The following KIAA1549L variants were observed in gnomAD, a reference collection of about 807,000 sequenced individuals.
KIAA1549L encodes KIAA1549 like, also known as UPF0606 protein KIAA1549L.
In KIAA1549L, 88 loss-of-function variants were observed where a neutral mutation model predicts 160.7. The observed-to-expected ratio is 0.55, with a 90% confidence interval of 0.46 to 0.65. The LOEUF (loss-of-function observed/expected upper bound fraction) is 0.65, where lower values mean the gene tolerates loss of function less well. KIAA1549L is among the 30% of genes least tolerant of loss of function. KIAA1549L has a pLI of 0.00. For synonymous variants in KIAA1549L, 950 were observed against 976.7 expected (o/e 0.97, Z 0.51); for missense variants, 2,258 against 2,437.5 (o/e 0.93, Z 1.55).
chr11:33,457,684 G>A (rs1038195574), intron 1 of KIAA1549L, among the ~76,000 whole-genome samples: 1 of 152,210 alleles, frequency 6.6e-6, no homozygotes, highest in Non-Finnish European at 1.5e-5. Context: ...CATTCATTGA[G>A]CCCACTGGAT....
chr11:33,489,476 G>A (rs1852607110), intron 1 of KIAA1549L, among the ~76,000 whole-genome samples: 1 of 152,160 alleles, frequency 6.6e-6, no homozygotes, highest in Non-Finnish European at 1.5e-5. Context: ...TATGGATTTT[G>A]GAAGGACACA....
At chr11:33,491,590 C>A (rs1280207781) in intron 1 of KIAA1549L, among the ~76,000 whole-genome samples, 21 of 152,098 alleles carry the variant, frequency 1.4e-4, no homozygotes, top group Admixed American at 1.4e-3. Context: ...ACTTTTGAAG[C>A]CCAAGCTAAA....
intron 12 of KIAA1549L, among the ~76,000 whole-genome samples, chr11:33,595,974 A>G (rs1464082578): frequency 1.3e-5 from 2 of 152,060 alleles, no homozygotes; most frequent in South Asian, 2.1e-4. Context: ...TTGTTGATAT[A>G]TGACTGAGAT....
At position 33,645,970 on chromosome 11, in the gene KIAA1549L, C is replaced by G; in HGVS notation, c.5694C>G (p.Pro1898=). 6.2e-7 allele frequency: 1 copy of G among 1,611,868 alleles called. No individual in the cohort carries two copies. Among genetic ancestry groups the G allele is most frequent in the Non-Finnish European group, 8.5e-7 (1 of 1,178,996 alleles). Residue 1898 remains proline, a synonymous_variant, in exon 17 of 21, where the codon CCC becomes CCG. Transcript: ENST00000658780. ...VTSAPGTMTR[P]RAGVQWVPTY... The stretch of plus-strand genomic sequence containing the variant: ...GCGCTCCGGGGACCATGACGCGGCC[C>G]AGGGCCGGGGTGCAGTGGGTGCCGA...
At chr11:33,658,323 C>T (rs372340024) in intron 18 of KIAA1549L, among the ~76,000 whole-genome samples, 27 of 152,218 alleles carry the variant, frequency 1.8e-4, no homozygotes, top group African/African-American at 2.4e-4. Context: ...TTTCTGGTGT[C>T]GGTGAGAAGG....
intron 20 of KIAA1549L, among the ~76,000 whole-genome samples, chr11:33,661,902 AAAAAG>A (rs1275182750): frequency 0.014 from 1,245 of 87,676 alleles, 52 homozygotes; most frequent in African/African-American, 0.037. Context: ...AAAAAAAAAA[AAAAAG>A]AAACCCAAGA....
Position 33,670,261 on chromosome 11 carries a change from G to A in KIAA1549L, c.*2107G>A, listed in dbSNP as rs1265030699. On this transcript the variant is annotated 3_prime_UTR_variant, in exon 21 of 21. Transcript: ENST00000658780. ...GCCTGGAAATACTGTATGTGAAAAT[G>A]ATGTTTCAAGATCTTACTGTAATTG... 1 of 152,218 alleles carries A rather than the reference G, an allele frequency of 6.6e-6. No homozygotes were observed. Among genetic ancestry groups the A allele is most frequent in the Non-Finnish European group, 1.5e-5 (1 of 68,032 alleles). The allele number at this position is 152,218 out of a possible 1,614,324, so 9.4% of individuals were successfully genotyped here.
intron 1 of KIAA1549L, among the ~76,000 whole-genome samples, chr11:33,418,543 T>C (rs1850932662): frequency 6.6e-6 from 1 of 152,164 alleles, no homozygotes; most frequent in Non-Finnish European, 1.5e-5. Context: ...TCCAGTGAGA[T>C]AGAACACCCC....
chr11:33,468,756 C>T lies in KIAA1549L; in HGVS notation c.239-73046C>T, dbSNP rs145672013. Among the ~76,000 whole-genome samples the T allele has an allele frequency of 2.2e-4, 33 of 152,266 alleles. 1 individual carries two copies. Among genetic ancestry groups the T allele is most frequent in the Admixed American group, 7.2e-4 (11 of 15,294 alleles). ...CGAACTCTTCTCAGCTATAATACGG[C>T]GCTCCAGAATCATAACTCTGGCCTC... On this transcript the variant is annotated intron_variant, in intron 1 of 20. Transcript: ENST00000658780.
rs191471073 is a variant in KIAA1549L at position 33,522,296 on chromosome 11, G to C, written c.239-19506G>C. ...ATCTGAGTTAACAAATCTTGAAATA[G>C]TGATATCATATTAATGGCGTTAGAC... On this transcript the variant is annotated intron_variant, in intron 1 of 20. Coordinates refer to ENST00000658780, the MANE Select transcript of KIAA1549L (RefSeq NM_012194.3). Among the ~76,000 whole-genome samples, 179 of 152,290 alleles carry C rather than the reference G, an allele frequency of 1.2e-3. No homozygotes were observed. In the South Asian group the frequency reaches 0.025, roughly 21 times the overall value.
chr11:33,618,575 G>A lies in KIAA1549L; in HGVS notation c.5322G>A (p.Leu1774=). The change falls in exon 16 of 21, where the codon CTG becomes CTA. Residue 1774 remains leucine (L), a synonymous_variant. Coordinates refer to ENST00000658780, the MANE Select transcript of KIAA1549L (RefSeq NM_012194.3). ...CTGTCTACAGAAGCCGGCAGTCTCT[G>A]AACAGCCCGAGTCCAGGGGAAACCG... ...KNSVYRSRQS[L]NSPSPGETEM... is the part of the protein sequence containing the mutation. 2 of 1,611,402 alleles carry A rather than the reference G, an allele frequency of 1.2e-6. No homozygotes were observed. The highest frequency in any genetic ancestry group is 1.7e-6 in the Non-Finnish European group (2 of 1,178,364).
chr11:33,615,950 T>C (rs1850797735), intron 15 of KIAA1549L, among the ~76,000 whole-genome samples: 1 of 152,158 alleles, frequency 6.6e-6, no homozygotes, highest in South Asian at 2.1e-4. Context: ...TAGGAGCAGA[T>C]TGTTTCAACA....
intron 1 of KIAA1549L, among the ~76,000 whole-genome samples, chr11:33,465,183 G>A (rs1379280164): frequency 1.3e-5 from 2 of 149,266 alleles, no homozygotes; most frequent in Non-Finnish European, 3.0e-5. Context: ...AGCCTCCCAA[G>A]TAGCTGGGGA....
In KIAA1549L at chr11:33,542,565, C is replaced by G. The variant is rs766367297; in HGVS notation, c.1002C>G (p.Pro334=). The change falls in exon 2 of 21, where the codon CCC becomes CCG. Residue 334 remains proline (P), a synonymous_variant. Transcript: ENST00000658780. ...CCGAGCTGTCCCCAACAGAGGGTCCCCATTCAGCAGGTTCATCCACACCTG... is the reference window on the plus strand; with the variant it reads ...CCGAGCTGTCCCCAACAGAGGGTCCGCATTCAGCAGGTTCATCCACACCTG... ...WHSELSPTEG[P]HSAGSSTPGF... is the part of the protein sequence containing the mutation. 6.2e-7 allele frequency: 1 copy of G among 1,613,924 alleles called. No homozygotes were observed. Among genetic ancestry groups the G allele is most frequent in the Non-Finnish European group, 8.5e-7 (1 of 1,179,826 alleles).
rs1176834428 is a variant in KIAA1549L, at chr11:33,544,057, C to T, written c.2494C>T (p.Pro832Ser). 1 of 1,614,002 alleles carries T rather than the reference C, an allele frequency of 6.2e-7. No individual in the cohort carries two copies. Among genetic ancestry groups the T allele is most frequent in the South Asian group, 1.1e-5 (1 of 91,082 alleles). Reference sequence around the variant, plus strand: ...CACAACTCGACATTCCGTGTCTCATCCTCAGCTACAGTTGCCCAACCAGCC... The same window carrying T: ...CACAACTCGACATTCCGTGTCTCATTCTCAGCTACAGTTGCCCAACCAGCC... ...SPTTRHSVSH[P>S]QLQLPNQPAH... The change falls in exon 2 of 21, where the codon CCT becomes TCT. Residue 832 changes from proline (P) to serine (S), a missense_variant. Coordinates refer to ENST00000658780, the MANE Select transcript of KIAA1549L (RefSeq NM_012194.3).
At position 33,545,057 on chromosome 11, in the gene KIAA1549L, C is replaced by T; in HGVS notation, c.3064C>T (p.His1022Tyr). ...AAGAACAGGACATACCACGAGCACA[C>T]ATACAGCCATGCAAGGAAACATGGA... Reference protein sequence around the residue: ...YARTGHTTSTHTAMQGNMDTA... With the variant: ...YARTGHTTSTYTAMQGNMDTA... The change falls in exon 3 of 21, where the codon CAT (histidine) becomes TAT (tyrosine). Residue 1022 changes from histidine to tyrosine, a missense_variant. Coordinates refer to ENST00000658780, the MANE Select transcript of KIAA1549L (RefSeq NM_012194.3). The T allele has an allele frequency of 6.2e-7, 1 of 1,614,030 alleles. No homozygotes were observed. Among genetic ancestry groups the T allele is most frequent in the Non-Finnish European group, 8.5e-7 (1 of 1,179,894 alleles).
At chr11:33,395,718 T>C (rs555808950) in intron 1 of KIAA1549L, among the ~76,000 whole-genome samples, 1 of 152,262 alleles carries the variant, frequency 6.6e-6, no homozygotes, top group African/African-American at 2.4e-5. Flanking sequence ...CAAATGGTTG[T>C]TACCTCAAGA....
Position 33,543,276 on chromosome 11 carries a change from G to T in KIAA1549L, c.1713G>T (p.Lys571Asn), listed in dbSNP as rs767374449. 5.6e-6 allele frequency: 9 copies of T among 1,613,938 alleles called. No individual in the cohort carries two copies. In the African/African-American group the frequency reaches 8.0e-5, roughly 14 times the overall value. Residue 571 changes from lysine to asparagine, a missense_variant, in exon 2 of 21, where the codon AAG (lysine) becomes AAT (asparagine). By Grantham distance (94) the Lys-to-Asn change is moderately conservative. This residue lies in a region of KIAA1549L where 540 missense variants were observed against 465.7 expected (regional missense o/e 1.16). Transcript: ENST00000658780. The stretch of plus-strand genomic sequence containing the variant: ...ACAGTGTGACAGCCATTTTAGGGAA[G>T]AATGAAGAGGCAAATGTGACGATTC... ...KKDSVTAILG[K>N]NEEANVTIPL... is the part of the protein sequence containing the mutation.
At chr11:33,655,109 AGGAG>A (rs1418092489) in intron 17 of KIAA1549L, among the ~76,000 whole-genome samples, 1 of 152,206 alleles carries the variant, frequency 6.6e-6, no homozygotes, top group African/African-American at 2.4e-5. Flanking sequence ...CTCTTGCTAA[AGGAG>A]GTTGTGGCCT....
Sources: allele counts gnomAD v4.1 joint callset (sites outside exome capture counted in the v4.1 genomes callset), GRCh38; gene constraint gnomAD v4.1.1; regional missense constraint gnomAD v4.1.1; transcripts MANE v1.5; gene names NCBI Gene and HGNC (gene_info 2026-07-23, HGNC 2026-07-21).